TSNARE1: variants seen among roughly 807,000 people sequenced by gnomAD.
TSNARE1 encodes t-SNARE domain containing 1.
In TSNARE1, 49 loss-of-function variants were observed where a neutral mutation model predicts 62.0. The ratio of observed to expected loss-of-function variants is 0.79; its 90% CI spans 0.63 to 1.00. TSNARE1 has a LOEUF of 1.00. TSNARE1 is among the 50% of genes least tolerant of loss of function. The pLI is 0.00. For synonymous variants in TSNARE1, 328 were observed against 294.4 expected (o/e 1.11, Z -1.17); for missense variants, 755 against 700.1 (o/e 1.08, Z -0.88).
chr8:142,349,050 C>CAG (rs1833752092), intron 2 of TSNARE1, among the ~76,000 whole-genome samples: 1 of 152,198 alleles, frequency 6.6e-6, no homozygotes, highest in Non-Finnish European at 1.5e-5. Flanking sequence ...CTCGAAGGCC[C>CAG]CGCCCACACA....
At chr8:142,318,487 A>G (rs1828931245) in intron 7 of TSNARE1, 57 bp downstream of exon 7, 4 of 1,538,816 alleles carry the variant, frequency 2.6e-6, no homozygotes, top group Non-Finnish European at 3.6e-6. Flanking sequence ...TGCTCCCATC[A>G]CAGGCAGAGG....
intron 1 of TSNARE1, among the ~76,000 whole-genome samples, chr8:142,398,776 C>T (rs1006073523): frequency 2.6e-5 from 4 of 152,308 alleles, no homozygotes; most frequent in Admixed American, 2.6e-4. Flanking sequence ...GCCAATGACC[C>T]TGTCCAGGCA....
intron 1 of TSNARE1, among the ~76,000 whole-genome samples, chr8:142,380,933 C>T (rs71516688): frequency 1.3e-5 from 2 of 152,136 alleles, no homozygotes; most frequent in East Asian, 1.9e-4. Flanking sequence ...CTTCTCTCCT[C>T]GCCCTCACCC....
At chr8:142,364,699 T>C (rs1470797558) in intron 1 of TSNARE1, among the ~76,000 whole-genome samples, 1 of 152,162 alleles carries the variant, frequency 6.6e-6, no homozygotes, top group African/African-American at 2.4e-5. Flanking sequence ...AGGTGGGGCA[T>C]CTAAAAAGGA....
chr8:142,262,694 C>T (rs34721137), intron 12 of TSNARE1, among the ~76,000 whole-genome samples: 25,776 of 152,104 alleles, frequency 0.17, 2,473 homozygotes, highest in Middle Eastern at 0.26. Flanking sequence ...CTCTCTTGCT[C>T]CTGCTCCAGG....
chr8:142,233,904 G>T (rs1241109795), intron 12 of TSNARE1, among the ~76,000 whole-genome samples: 1 of 152,066 alleles, frequency 6.6e-6, no homozygotes, highest in East Asian at 1.9e-4. Context: ...CACCCTCCCA[G>T]CTTCCCCCTG....
chr8:142,315,002 CCTT>C lies in TSNARE1; in HGVS notation c.1072_1074del (p.Lys359del). ...CCCCACTGCCCCCACCAGCACCTCA[CCTT>C]CTGCACCACTCCATAGCACTGAATG... On this transcript the variant is annotated inframe_deletion and splice_region_variant, in exon 8 of 14. Coordinates refer to ENST00000524325, the MANE Select transcript of TSNARE1 (RefSeq NM_145003.5). 6.2e-7 allele frequency: 1 copy of C among 1,614,160 alleles called. No homozygotes were observed. The highest frequency in any genetic ancestry group is 8.5e-7 in the Non-Finnish European group (1 of 1,180,020).
At chr8:142,247,481 T>A (rs996900739) in intron 12 of TSNARE1, 1 of 152,250 alleles carries the variant, frequency 6.6e-6, no homozygotes, top group Non-Finnish European at 1.5e-5. Flanking sequence ...ACCCTTGTAT[T>A]TTGGAAGTGA....
chr8:142,227,416 A>C (rs1194326260), intron 13 of TSNARE1, among the ~76,000 whole-genome samples: 1 of 55,510 alleles, frequency 1.8e-5, no homozygotes, highest in African/African-American at 4.1e-5. Context: ...CAGGAGCCCC[A>C]ACCTGCCCAC....
At chr8:142,312,728 G>A (rs969093616) in intron 9 of TSNARE1, among the ~76,000 whole-genome samples, 6 of 152,194 alleles carry the variant, frequency 3.9e-5, no homozygotes, top group Admixed American at 6.5e-5. Flanking sequence ...AAAACGGACC[G>A]AGTGCTGCAA....
intron 12 of TSNARE1, among the ~76,000 whole-genome samples, chr8:142,243,365 A>G (rs984533847): frequency 2.0e-5 from 3 of 152,174 alleles, no homozygotes; most frequent in Admixed American, 6.5e-5. Context: ...TGTCCCCCCA[A>G]AGTCGGATAA....
chr8:142,379,210 C>T (rs1836553227), intron 1 of TSNARE1, among the ~76,000 whole-genome samples: 1 of 152,254 alleles, frequency 6.6e-6, no homozygotes, highest in Admixed American at 6.5e-5. Flanking sequence ...AGTGGGCATG[C>T]CTCAGCGGGC....
At chr8:142,358,809 G>A (rs62511362) in intron 1 of TSNARE1, among the ~76,000 whole-genome samples, 20,581 of 152,010 alleles carry the variant, frequency 0.14, 1,488 homozygotes, top group East Asian at 0.22. Context: ...ACCACAAGGG[G>A]CCATGGGGTA....
At chr8:142,279,949 A>T (rs1821135248) in intron 11 of TSNARE1, 3 of 1,105,544 alleles carry the variant, frequency 2.7e-6, no homozygotes, top group African/African-American at 1.7e-5. Context: ...TGTGAGGAGG[A>T]GGCCGGGGGC....
intron 8 of TSNARE1, among the ~76,000 whole-genome samples, chr8:142,314,754 G>A (rs1467598351): frequency 6.6e-6 from 1 of 152,248 alleles, no homozygotes; most frequent in Non-Finnish European, 1.5e-5. Context: ...GGTGAGACTT[G>A]TTCTTCCTGC....
At chr8:142,390,048 T>C (rs1044233272) in intron 1 of TSNARE1, among the ~76,000 whole-genome samples, 2 of 152,248 alleles carry the variant, frequency 1.3e-5, no homozygotes, top group South Asian at 2.1e-4. Flanking sequence ...AGAATCTGCA[T>C]ATCTATACAT....
chr8:142,384,989 CA>C (rs1014551964), intron 1 of TSNARE1, among the ~76,000 whole-genome samples: 2 of 150,840 alleles, frequency 1.3e-5, no homozygotes, highest in South Asian at 2.1e-4. Context: ...TCAACAACAA[CA>C]AAAAATCTGA....
At chr8:142,283,247 C>G (rs1475613672) in intron 11 of TSNARE1, among the ~76,000 whole-genome samples, 1 of 145,642 alleles carries the variant, frequency 6.9e-6, no homozygotes, top group Non-Finnish European at 1.5e-5. Flanking sequence ...TGAGCAGAGG[C>G]GGGGTCAGTG....
Position 142,376,079 on chromosome 8 carries a change from C to T in TSNARE1, c.-39-21316G>A, listed in dbSNP as rs571395659. 2.2e-4 allele frequency among the ~76,000 whole-genome samples: 34 copies of T among 152,364 alleles called. 1 individual carries two copies. The South Asian group carries it at 6.0e-3, about 27-fold the overall frequency. Reference sequence around the variant, plus strand: ...CAGCAGAGTCGGTGGACACTGCAGACTGCAGAGTCCGCGCCTCCCTGACCT... The same window carrying T: ...CAGCAGAGTCGGTGGACACTGCAGATTGCAGAGTCCGCGCCTCCCTGACCT... On this transcript the variant is annotated intron_variant, in intron 1 of 13. Transcript: ENST00000524325.
Sources: allele counts gnomAD v4.1 joint callset (sites outside exome capture counted in the v4.1 genomes callset), GRCh38; gene constraint gnomAD v4.1.1; transcripts MANE v1.5; gene names NCBI Gene and HGNC (gene_info 2026-07-23, HGNC 2026-07-21).